The following NSD2 variants were observed in gnomAD, a reference collection of about 807,000 sequenced individuals.
NSD2 encodes nuclear receptor binding SET domain protein 2, also known as histone-lysine N-methyltransferase NSD2.
NSD2 carries 12 observed loss-of-function variants against 139.0 expected under a neutral mutation model. That is an observed-to-expected ratio of 0.09 (90% CI 0.06 to 0.14). The LOEUF is 0.14. NSD2 is among the 10% of genes least tolerant of loss of function. NSD2 has a pLI of 1.00. For synonymous variants in NSD2, 669 were observed against 648.7 expected (o/e 1.03, Z -0.48); for missense variants, 1,155 against 1,745.0 (o/e 0.66, Z 6.02).
At chr4:1,945,201 G>A in intron 9 of NSD2, 1 of 1,067,018 alleles carries the variant, frequency 9.4e-7, no homozygotes, top group Non-Finnish European at 1.1e-6. Context: ...TTAAAATGGG[G>A]TGCTCAGGGA....
At position 1,976,535 on chromosome 4, in the gene NSD2, C is replaced by T. The variant is rs1727097992; in HGVS notation, c.3682C>T (p.Arg1228Cys). The T allele has an allele frequency of 6.2e-7, 1 of 1,613,906 alleles. No individual in the cohort carries two copies. The highest frequency in any genetic ancestry group is 1.7e-5 in the Admixed American group (1 of 59,966). ...AAAGACCAAGAAGAAAACGAGGCGG[C>T]GCAGAGCAAAAGGGGAAGGGAAGAG... ...GKKTKKKTRR[R>C]RAKGEGKRQS... The change falls in exon 21 of 22, where the codon CGC becomes TGC. Residue 1228 changes from arginine (R) to cysteine (C), a missense_variant. Transcript: ENST00000508803. This position sits in a 1 kb window ranked among gnomAD's most constrained non-coding sequence, Gnocchi z 5.3.
rs1577547696 is a variant in NSD2 at position 1,959,619 on chromosome 4, T to G, written c.3134T>G (p.Val1045Gly). The change falls in exon 17 of 22, where the codon GTG becomes GGG. Residue 1045 changes from valine to glycine, a missense_variant. This residue lies in a region of NSD2 where 139 missense variants were observed against 485.8 expected (regional missense o/e 0.29). Coordinates refer to ENST00000508803, the MANE Select transcript of NSD2 (RefSeq NM_001042424.3). ...CTGATGTTTGAGTGCCACCCGCAGG[T>G]GTGTCCCGCGGGCGAGTTCTGCCAG... ...RMLMFECHPQ[V>G]CPAGEFCQNQ... 6.2e-7 allele frequency: 1 copy of G among 1,614,052 alleles called. No individual in the cohort carries two copies. Among genetic ancestry groups the G allele is most frequent in the Non-Finnish European group, 8.5e-7 (1 of 1,180,014 alleles).
intron 10 of NSD2, 180 bp from the exon 11 acceptor site, chr4:1,951,928 T>C (rs1724308665): frequency 2.1e-6 from 2 of 966,680 alleles, no homozygotes; most frequent in Non-Finnish European, 2.9e-6. Context: ...GGTTTTAATC[T>C]GATTCTGTAT....
intron 5 of NSD2, among the ~76,000 whole-genome samples, chr4:1,921,763 C>T (rs1290870342): frequency 2.2e-5 from 3 of 133,994 alleles, no homozygotes; most frequent in Non-Finnish European, 4.6e-5. Context: ...GCCTGGGCAA[C>T]ACAGCAAGAC....
chr4:1,882,975 G>C (rs1714814468), intron 1 of NSD2, among the ~76,000 whole-genome samples: 1 of 152,160 alleles, frequency 6.6e-6, no homozygotes, highest in Non-Finnish European at 1.5e-5. Context: ...CGTCAGTCTT[G>C]GTGAAAGAGC....
Position 1,947,717 on chromosome 4 carries a change from G to C in NSD2, c.1882-3355G>C, listed in dbSNP as rs993785458. The C allele has an allele frequency of 2.8e-6, 3 of 1,053,102 alleles. No individual in the cohort carries two copies. In the African/African-American group the frequency reaches 5.0e-5, roughly 17 times the overall value. 65.2% of individuals were successfully genotyped at this position (1,053,102 alleles called of 1,614,324 possible). On this transcript the variant is annotated intron_variant, in intron 9 of 21. Coordinates refer to ENST00000508803, the MANE Select transcript of NSD2 (RefSeq NM_001042424.3). ...ACTGTGGAGGTACTTCTCGCCATCA[G>C]CTTCCTTCTTTACAAAACCATCATT...
At chr4:1,944,136 A>G (rs1723383571) in intron 9 of NSD2, 1 of 1,066,202 alleles carries the variant, frequency 9.4e-7, no homozygotes, top group Non-Finnish European at 1.1e-6. Flanking sequence ...GGGCAGGGGC[A>G]AGTGAACTCA....
Position 1,948,498 on chromosome 4 carries a change from C to T in NSD2, c.1882-2574C>T, listed in dbSNP as rs1290009036. 2.8e-6 allele frequency: 3 copies of T among 1,064,224 alleles called. No homozygotes were observed. The highest frequency in any genetic ancestry group is 4.2e-4 in the Middle Eastern group (1 of 2,406). 65.9% of individuals were successfully genotyped at this position (1,064,224 alleles called of 1,614,324 possible). On this transcript the variant is annotated intron_variant, in intron 9 of 21. Coordinates refer to ENST00000508803, the MANE Select transcript of NSD2 (RefSeq NM_001042424.3). This position sits in a 1 kb window ranked among gnomAD's most constrained non-coding sequence, Gnocchi z 4.5. ...CTCTCCTTGCGGGTGGTTGCCGAGCCGAGAGCATTGGATCCTCCCCGACTG... is the reference window on the plus strand; with the variant it reads ...CTCTCCTTGCGGGTGGTTGCCGAGCTGAGAGCATTGGATCCTCCCCGACTG...
Position 1,917,000 on chromosome 4 carries a change from G to A in NSD2, c.890G>A (p.Ser297Asn). The part of the protein sequence containing the change: ...EGQFEKLCQE[S>N]AKQAPTKAEK... Reference sequence around the variant, plus strand: ...CAGTTTGAAAAATTATGCCAGGAAAGTGCCAAGCAGGCACCCACGAAAGCT... The same window carrying A: ...CAGTTTGAAAAATTATGCCAGGAAAATGCCAAGCAGGCACCCACGAAAGCT... Residue 297 changes from serine to asparagine, a missense_variant, in exon 4 of 22, where the codon AGT (serine) becomes AAT (asparagine). This residue lies in a region of NSD2 where 420 missense variants were observed against 469.0 expected (regional missense o/e 0.90). Transcript: ENST00000508803. 1 of 1,614,098 alleles carries A rather than the reference G, an allele frequency of 6.2e-7. No individual in the cohort carries two copies. The highest frequency in any genetic ancestry group is 8.5e-7 in the Non-Finnish European group (1 of 1,179,980).
intron 1 of NSD2, among the ~76,000 whole-genome samples, chr4:1,897,721 G>A (rs1211069019): frequency 2.0e-5 from 3 of 152,188 alleles, no homozygotes; most frequent in African/African-American, 7.2e-5. Flanking sequence ...CCACCTCCTG[G>A]GTTCAAGCGA....
rs1338705176 is a variant in NSD2, at chr4:1,918,378, T to C, written c.1165T>C (p.Ser389Pro). ...TGAAGAAGCTGCTGAAAACCCCAAG[T>C]CTGTGAGAGAAGAGTGCATTCCCAT... is the stretch of plus-strand genomic sequence containing the variant. The part of the protein sequence containing the change: ...VSEEAAENPK[S>P]VREECIPMKR... Residue 389 changes from serine (S) to proline (P), a missense_variant, in exon 5 of 22, where the codon TCT becomes CCT. Coordinates refer to ENST00000508803, the MANE Select transcript of NSD2 (RefSeq NM_001042424.3). 1 of 1,614,006 alleles carries C rather than the reference T, an allele frequency of 6.2e-7. No individual in the cohort carries two copies. Among genetic ancestry groups the C allele is most frequent in the Admixed American group, 1.7e-5 (1 of 60,006 alleles).
At chr4:1,922,853 T>A (rs1171926463) in intron 5 of NSD2, among the ~76,000 whole-genome samples, 1 of 152,120 alleles carries the variant, frequency 6.6e-6, no homozygotes, top group African/African-American at 2.4e-5. Context: ...TTGAACCTGA[T>A]AGGCGGAGGT....
chr4:1,904,137 C>CCAGACCAAGGGT (rs1287154068), intron 2 of NSD2, 79 bp from the exon 3 acceptor site: 1 of 1,487,460 alleles, frequency 6.7e-7, no homozygotes, highest in Non-Finnish European at 9.2e-7. Flanking sequence ...GACATTGTAG[C>CCAGACCAAGGGT]CTGGTGAATC....
chr4:1,947,750 G>A, intron 9 of NSD2: 2 of 1,050,688 alleles, frequency 1.9e-6, no homozygotes, highest in Non-Finnish European at 2.3e-6. Flanking sequence ...ATTTCAACAT[G>A]AAAATTATGT....
intron 18 of NSD2, among the ~76,000 whole-genome samples, chr4:1,966,038 G>C (rs1052395049): frequency 1.4e-5 from 2 of 144,384 alleles, no homozygotes; most frequent in Non-Finnish European, 2.9e-5. Context: ...CCTACAGGCA[G>C]TGGGCCAATG....
At chr4:1,969,020 A>G (rs937586161) in intron 18 of NSD2, among the ~76,000 whole-genome samples, 3 of 152,236 alleles carry the variant, frequency 2.0e-5, no homozygotes, top group African/African-American at 7.2e-5. Flanking sequence ...TGAAAGTCCA[A>G]CAGGCAGAGG....
At chr4:1,895,546 CT>C (rs954901254) in intron 1 of NSD2, among the ~76,000 whole-genome samples, 12 of 150,512 alleles carry the variant, frequency 8.0e-5, no homozygotes, top group African/African-American at 1.2e-4. Context: ...AATACCAATA[CT>C]TTTTTTTTTC....
In NSD2 at chr4:1,955,860, T is replaced by C. The variant is rs1427953257; in HGVS notation, c.2675+11T>C. ...ACTTGGGAACTACAGGTGTGAGACA[T>C]AGAATCGTATGCTTTTATGTCTTTT... On this transcript the variant is annotated intron_variant, in intron 14 of 21. Coordinates refer to ENST00000508803, the MANE Select transcript of NSD2 (RefSeq NM_001042424.3). The surrounding 1 kb of genome is among the most constrained non-coding windows in gnomAD (Gnocchi z 4.7). 6.2e-6 allele frequency: 10 copies of C among 1,612,868 alleles called. No homozygotes were observed. Among genetic ancestry groups the C allele is most frequent in the Non-Finnish European group, 8.5e-6 (10 of 1,178,980 alleles).
intron 20 of NSD2, chr4:1,975,643 A>G (rs1726993926): frequency 1.2e-5 from 6 of 495,902 alleles, no homozygotes; most frequent in South Asian, 9.8e-5. Context: ...GTGGTTTCGC[A>G]GTTCTGGGTG....
Sources: gnomAD v4.1 joint callset for allele counts (sites outside exome capture counted in the v4.1 genomes callset) on GRCh38, gnomAD v4.1.1 for gene constraint, gnomAD v4.1.1 regional missense constraint, Gnocchi (gnomAD v3.1) non-coding constraint, MANE v1.5 for transcripts, NCBI Gene and HGNC (gene_info 2026-07-23, HGNC 2026-07-21) for gene names.